The following MID2 variants were observed in gnomAD, a reference collection of about 807,000 sequenced individuals.
The protein encoded by MID2 is probable E3 ubiquitin-protein ligase MID2.
MID2 carries 13 observed loss-of-function variants against 46.1 expected under a neutral mutation model. The ratio of observed to expected loss-of-function variants is 0.28; its 90% CI spans 0.18 to 0.45. MID2 has a LOEUF of 0.45. Ranked by LOEUF, MID2 falls within the 20% of genes least tolerant of loss-of-function variation. The pLI is 1.00. For missense variants in MID2, 431 were observed against 575.4 expected, an observed-to-expected ratio of 0.75 and a Z score of 2.57; for synonymous variants, 199 against 212.3, an observed-to-expected ratio of 0.94 and a Z score of 0.55.
chrX:107,889,937 C>A (rs1416213858), intron 3 of MID2, among the ~76,000 whole-genome samples: 1 of 112,121 alleles, frequency 8.9e-6, no homozygotes, highest in African/African-American at 3.2e-5. Flanking sequence ...GCATTCATCA[C>A]ATAGTTCTCG....
chrX:107,891,081 A>G (rs6523983), intron 3 of MID2, among the ~76,000 whole-genome samples: 33,042 of 106,383 alleles, frequency 0.31, 6,871 homozygotes, highest in African/African-American at 0.76. Context: ...GCGATGCCTC[A>G]CCCTGCTTCG....
intron 3 of MID2, among the ~76,000 whole-genome samples, chrX:107,868,587 A>G (rs897829884): frequency 2.8e-4 from 31 of 111,559 alleles, no homozygotes; most frequent in African/African-American, 9.1e-4. Context: ...TTGTTTCCTT[A>G]TTGTTTTGTG....
intron 2 of MID2, among the ~76,000 whole-genome samples, chrX:107,847,129 G>A (rs1379594088): frequency 1.8e-5 from 2 of 112,347 alleles, no homozygotes; most frequent in African/African-American, 3.2e-5. Flanking sequence ...AACTTAAACC[G>A]TAGCATCAGG....
chrX:107,895,647 T>A (rs1932715113), intron 3 of MID2: 1 of 112,220 alleles, frequency 8.9e-6, no homozygotes, highest in Non-Finnish European at 1.9e-5. Flanking sequence ...TCGTGTAAGG[T>A]TTTTGTGTGG....
At chrX:107,889,133 A>G (rs1267101205) in intron 3 of MID2, among the ~76,000 whole-genome samples, 1 of 110,811 alleles carries the variant, frequency 9.0e-6, no homozygotes, top group Non-Finnish European at 1.9e-5. Context: ...TAAGGTTAAT[A>G]TTGTTATGTG....
chrX:107,904,867 G>A (rs188548273), intron 4 of MID2, among the ~76,000 whole-genome samples: 1 of 111,179 alleles, frequency 9.0e-6, no homozygotes, highest in Non-Finnish European at 1.9e-5. Flanking sequence ...TGTGTATAAT[G>A]TGAGATGTTT....
chrX:107,883,092 A>G (rs1308551718), intron 3 of MID2, among the ~76,000 whole-genome samples: 1 of 111,805 alleles, frequency 8.9e-6, no homozygotes, highest in Non-Finnish European at 1.9e-5. Context: ...TCAGCAAGCT[A>G]TCACAAGAAC....
chrX:107,923,477 C>A (rs1933111193), intron 7 of MID2, among the ~76,000 whole-genome samples: 1 of 112,074 alleles, frequency 8.9e-6, no homozygotes, highest in Non-Finnish European at 1.9e-5. Flanking sequence ...ATCCCTTTCC[C>A]TACTTGGAAG....
chrX:107,839,038 G>A (rs925700599), intron 1 of MID2, among the ~76,000 whole-genome samples: 3 of 111,186 alleles, frequency 2.7e-5, no homozygotes, highest in African/African-American at 9.8e-5. Flanking sequence ...GATCGCTTGA[G>A]CCCAGGAGGT....
intron 3 of MID2, among the ~76,000 whole-genome samples, chrX:107,871,306 C>T (rs759285471): frequency 2.7e-5 from 3 of 111,719 alleles, no homozygotes; most frequent in Non-Finnish European, 5.6e-5. Flanking sequence ...ACTCCACTTG[C>T]TTGGCCCCAC....
chrX:107,853,245 C>A (rs1931669373), intron 2 of MID2, among the ~76,000 whole-genome samples: 1 of 111,380 alleles, frequency 9.0e-6, no homozygotes, highest in African/African-American at 3.3e-5. Context: ...CTAATATGTA[C>A]CTGAAAGAAT....
At position 107,930,612 on chromosome X, in the gene MID2, A is replaced by G. The variant is rs957226764; in HGVS notation, c.*3539A>G. ...ACTTCTAAGATACAACATGGTGACA[A>G]AGTACTTAGTGGGGGTGCGATGGGC... is the stretch of plus-strand genomic sequence containing the variant. On this transcript the variant is annotated 3_prime_UTR_variant, in exon 10 of 10. Transcript: ENST00000262843. 5.4e-5 allele frequency among the ~76,000 whole-genome samples: 6 copies of G among 112,078 alleles called. No individual in the cohort carries two copies. The East Asian group carries it at 1.7e-3, about 31-fold the overall frequency.
At chrX:107,896,112 G>A (rs1436641509) in intron 3 of MID2, 2 of 111,881 alleles carry the variant, frequency 1.8e-5, no homozygotes, top group Admixed American at 9.5e-5. Flanking sequence ...TTAGGAGGCC[G>A]AAGGTGGATG....
chrX:107,860,307 A>G (rs1444513421), intron 3 of MID2, among the ~76,000 whole-genome samples: 2 of 112,333 alleles, frequency 1.8e-5, no homozygotes, highest in Admixed American at 1.9e-4. Flanking sequence ...AAATAGGTCT[A>G]TGGCCTTTAA....
chrX:107,906,990 C>T lies in MID2; in HGVS notation c.1073+1364C>T, dbSNP rs775728475. Among the ~76,000 whole-genome samples, 242 of 112,390 alleles carry T rather than the reference C, an allele frequency of 2.2e-3. 1 individual carries two copies. The highest frequency in any genetic ancestry group is 7.5e-3 in the African/African-American group (233 of 30,937). ...CGACCTACCAGCTATTTCCTGTCTTCGCTTCTTTCTTTAGCCTATTTAGGA... is the reference window on the plus strand; with the variant it reads ...CGACCTACCAGCTATTTCCTGTCTTTGCTTCTTTCTTTAGCCTATTTAGGA... On this transcript the variant is annotated intron_variant, in intron 5 of 9. Transcript: ENST00000262843.
At chrX:107,900,851 G>A (rs1356462909) in intron 3 of MID2, among the ~76,000 whole-genome samples, 1 of 112,001 alleles carries the variant, frequency 8.9e-6, no homozygotes, top group Non-Finnish European at 1.9e-5. Flanking sequence ...TACCTTGATT[G>A]GTTTCTTTTA....
At chrX:107,916,238 TC>T in intron 6 of MID2, 109 bp downstream of exon 6, 1 of 630,432 alleles carries the variant, frequency 1.6e-6, no homozygotes, top group Non-Finnish European at 2.2e-6. Context: ...TATTTTATAA[TC>T]TTTAAAATGA....
At position 107,927,190 on chromosome X, in the gene MID2, A is replaced by T. The variant is rs756901632; in HGVS notation, c.*117A>T. On this transcript the variant is annotated 3_prime_UTR_variant, in exon 10 of 10. Transcript: ENST00000262843. Reference sequence around the variant, plus strand: ...ATAAAGTTTGTTTGAAGCATCCAAAATAACTAGATATTGCAGATTTAATTT... The same window carrying T: ...ATAAAGTTTGTTTGAAGCATCCAAATTAACTAGATATTGCAGATTTAATTT... 8.3e-5 allele frequency: 48 copies of T among 576,634 alleles called. No individual in the cohort carries two copies. In the Admixed American group the frequency reaches 2.0e-3, roughly 23 times the overall value. The allele number at this position is 576,634 out of a possible 1,213,427, so 47.5% of individuals were successfully genotyped here.
chrX:107,925,161 C>T (rs904196297), intron 8 of MID2, among the ~76,000 whole-genome samples: 1 of 112,164 alleles, frequency 8.9e-6, no homozygotes, highest in Non-Finnish European at 1.9e-5. Context: ...TCTGGAAATC[C>T]AAAACTTTCC....
Sources: allele counts gnomAD v4.1 joint callset (sites outside exome capture counted in the v4.1 genomes callset), GRCh38; gene constraint gnomAD v4.1.1; transcripts MANE v1.5; gene names NCBI Gene and HGNC (gene_info 2026-07-23, HGNC 2026-07-21).